PDE4B: variants seen among roughly 807,000 people sequenced by gnomAD.
PDE4B encodes 3',5'-cyclic-AMP phosphodiesterase 4B.
A neutral mutation model predicts 82.2 loss-of-function variants in PDE4B; 20 were observed. The observed-to-expected ratio is 0.24, with a 90% CI of 0.17 to 0.35. The LOEUF is 0.35. PDE4B is among the 10% of genes least tolerant of loss of function. The pLI, the probability that PDE4B is intolerant of heterozygous loss-of-function variation, is 1.00. For missense variants in PDE4B, 655 were observed against 907.2 expected, an observed-to-expected ratio of 0.72 and a Z score of 3.57; for synonymous variants, 320 against 318.9, an observed-to-expected ratio of 1.00 and a Z score of -0.04.
At chr1:66,293,243 G>T (rs543737361) in intron 7 of PDE4B, among the ~76,000 whole-genome samples, 1 of 152,116 alleles carries the variant, frequency 6.6e-6, no homozygotes, top group East Asian at 1.9e-4. Flanking sequence ...GTCTCCTCAC[G>T]TGCAGCAGTC....
rs200209251 is a variant in PDE4B at position 65,918,862 on chromosome 1, A to G, written c.281+27A>G. 1.6e-4 allele frequency: 212 copies of G among 1,351,096 alleles called. 1 individual carries two copies. Among genetic ancestry groups the G allele is most frequent in the Non-Finnish European group, 2.0e-4 (191 of 942,106 alleles). The allele number at this position is 1,351,096 out of a possible 1,614,324, so 83.7% of individuals were successfully genotyped here. A position where few individuals can be genotyped will look rare whatever the true frequency, so the allele number is the denominator to read the frequency against. On this transcript the variant is annotated intron_variant, in intron 3 of 16. Coordinates refer to ENST00000341517, the MANE Select transcript of PDE4B (RefSeq NM_002600.4). ...TGAGTAGCCTCAAAATCAAATGTCA[A>G]TTCTAAATTTTTATTTTCCAATTTC...
At position 66,001,506 on chromosome 1, in the gene PDE4B, G is replaced by A. The variant is rs368693235; in HGVS notation, c.281+82671G>A. The stretch of plus-strand genomic sequence containing the variant: ...GTAATTTATTCCCTTTTATTATTAG[G>A]TGGTATTCCTTTGTATTGGGTGTAC... On this transcript the variant is annotated intron_variant, in intron 3 of 16. Transcript: ENST00000341517. Among the ~76,000 whole-genome samples the A allele has an allele frequency of 4.6e-5, 7 of 152,078 alleles. No individual in the cohort carries two copies. The East Asian group carries it at 1.4e-3, about 29-fold the overall frequency.
chr1:65,822,448 C>T lies in PDE4B; in HGVS notation c.-71+29200C>T, dbSNP rs181535310. On this transcript the variant is annotated intron_variant, in intron 1 of 16. Transcript: ENST00000341517. Reference sequence around the variant, plus strand: ...CCCAAAGTGGTTGTATCAATTTACTCCAACAGTCATGTATGAGAATTTGTG... The same window carrying T: ...CCCAAAGTGGTTGTATCAATTTACTTCAACAGTCATGTATGAGAATTTGTG... Among the ~76,000 whole-genome samples the T allele has an allele frequency of 1.4e-3, 213 of 152,248 alleles. 1 individual carries two copies. Among genetic ancestry groups the T allele is most frequent in the African/African-American group, 5.0e-3 (206 of 41,554 alleles).
At chr1:65,938,251 C>A (rs1428307475) in intron 3 of PDE4B, among the ~76,000 whole-genome samples, 1 of 152,130 alleles carries the variant, frequency 6.6e-6, no homozygotes, top group African/African-American at 2.4e-5. Context: ...TAGTCCCAAC[C>A]CTCTTAACTA....
At chr1:66,254,472 C>T (rs1004547488) in intron 4 of PDE4B, among the ~76,000 whole-genome samples, 1 of 152,172 alleles carries the variant, frequency 6.6e-6, no homozygotes, top group African/African-American at 2.4e-5. Context: ...TGTACCCCCA[C>T]CTCATGGGGC....
At chr1:66,369,206 A>C (rs565390768) in intron 16 of PDE4B, among the ~76,000 whole-genome samples, 2 of 152,316 alleles carry the variant, frequency 1.3e-5, no homozygotes, top group South Asian at 4.1e-4. Flanking sequence ...GTGTCCCTAA[A>C]TCATTTAGAT....
intron 7 of PDE4B, chr1:66,332,242 C>T (rs1282210465): frequency 2.1e-6 from 3 of 1,451,824 alleles, no homozygotes; most frequent in Non-Finnish European, 2.7e-6. Flanking sequence ...CGCCTTCTTC[C>T]TCAGAGGAAG....
chr1:65,969,702 G>A (rs1488198982), intron 3 of PDE4B, among the ~76,000 whole-genome samples: 1 of 151,982 alleles, frequency 6.6e-6, no homozygotes, highest in Non-Finnish European at 1.5e-5. Context: ...TTTTGCCCAT[G>A]GATATTAATG....
At chr1:66,106,154 T>A (rs1645349822) in intron 3 of PDE4B, among the ~76,000 whole-genome samples, 1 of 152,188 alleles carries the variant, frequency 6.6e-6, no homozygotes, top group African/African-American at 2.4e-5. Flanking sequence ...CATGAAGCAT[T>A]GTTGAATTTT....
At chr1:65,832,319 CTGAAATAACTTT>C (rs1316595367) in intron 1 of PDE4B, among the ~76,000 whole-genome samples, 2 of 152,020 alleles carry the variant, frequency 1.3e-5, no homozygotes, top group African/African-American at 4.8e-5. Context: ...TGAATAAGGA[CTGAAATAACTTT>C]TGGCTAAAGA....
intron 7 of PDE4B, among the ~76,000 whole-genome samples, chr1:66,281,341 G>T (rs146635328): frequency 6.6e-6 from 1 of 152,284 alleles, no homozygotes; most frequent in Non-Finnish European, 1.5e-5. Flanking sequence ...TCTGTGCTGC[G>T]AGAGCAGAGG....
At chr1:65,831,627 T>G (rs935985981) in intron 1 of PDE4B, among the ~76,000 whole-genome samples, 49 of 152,110 alleles carry the variant, frequency 3.2e-4, no homozygotes, top group African/African-American at 1.2e-3. Context: ...TCACAATCTC[T>G]TCCAGAAAAT....
intron 3 of PDE4B, among the ~76,000 whole-genome samples, chr1:66,131,086 A>G (rs1275095153): frequency 6.6e-6 from 1 of 152,210 alleles, no homozygotes; most frequent in Non-Finnish European, 1.5e-5. Context: ...GGCCTTTACC[A>G]GGTTTAATTT....
intron 3 of PDE4B, among the ~76,000 whole-genome samples, chr1:65,929,384 T>C (rs1647702368): frequency 1.3e-5 from 2 of 152,322 alleles, no homozygotes; most frequent in South Asian, 4.2e-4. Flanking sequence ...GCTTCATCAG[T>C]GTCTTCCCAC....
intron 1 of PDE4B, among the ~76,000 whole-genome samples, chr1:65,907,118 T>C (rs530520800): frequency 1.3e-5 from 2 of 152,314 alleles, no homozygotes; most frequent in Non-Finnish European, 1.5e-5. Flanking sequence ...TTACTTGCTC[T>C]TTATTTTTTG....
rs78438686 is a variant in PDE4B at position 65,898,294 on chromosome 1, G to C, written c.-70-14951G>C. Among the ~76,000 whole-genome samples the C allele has an allele frequency of 7.2e-4, 110 of 152,146 alleles. 1 individual carries two copies. The East Asian group carries it at 0.021, about 29-fold the overall frequency. On this transcript the variant is annotated intron_variant, in intron 1 of 16. Transcript: ENST00000341517. Reference sequence around the variant, plus strand: ...TTGTGGGGTTTCTGTTTACTCTGTTGATAGGTTTCTTTTCTCTGTGCAGTA... The same window carrying C: ...TTGTGGGGTTTCTGTTTACTCTGTTCATAGGTTTCTTTTCTCTGTGCAGTA...
chr1:65,835,959 G>A (rs1232459211), intron 1 of PDE4B, among the ~76,000 whole-genome samples: 1 of 149,362 alleles, frequency 6.7e-6, no homozygotes, highest in Non-Finnish European at 1.5e-5. Flanking sequence ...ATTTTTTTCC[G>A]AGATGGAGTC....
At position 66,368,057 on chromosome 1, in the gene PDE4B, C is replaced by T. The variant is rs142379593; in HGVS notation, c.1654C>T (p.Arg552Cys). The change falls in exon 15 of 17, where the codon CGC becomes TGC. Residue 552 changes from arginine (R) to cysteine (C), a missense_variant. By Grantham distance (180) the Arg-to-Cys change is radical. Around this residue, in one of 3 missense-constraint regions of PDE4B, gnomAD observed 283 missense variants for 516.4 expected, o/e 0.55. Coordinates refer to ENST00000341517, the MANE Select transcript of PDE4B (RefSeq NM_002600.4). Reference sequence around the variant, plus strand: ...TCTTCTCCTAGACAACTATACCGATCGCATTCAGGTATTTGAGGAAAGTCT... The same window carrying T: ...TCTTCTCCTAGACAACTATACCGATTGCATTCAGGTATTTGAGGAAAGTCT... ...GVLLLDNYTDRIQVLRNMVHC... is the reference protein window; with the variant it reads ...GVLLLDNYTDCIQVLRNMVHC... The T allele has an allele frequency of 3.7e-6, 6 of 1,613,202 alleles. No homozygotes were observed. In the African/African-American group the frequency reaches 4.0e-5, roughly 11 times the overall value.
chr1:66,135,072 A>G (rs1422687330), intron 3 of PDE4B, among the ~76,000 whole-genome samples: 1 of 152,240 alleles, frequency 6.6e-6, no homozygotes, highest in African/African-American at 2.4e-5. Context: ...TGAGAAAGAC[A>G]TGCCAAGGTA....
Sources: allele counts gnomAD v4.1 joint callset (sites outside exome capture counted in the v4.1 genomes callset), GRCh38; gene constraint gnomAD v4.1.1; regional missense constraint gnomAD v4.1.1; transcripts MANE v1.5; gene names NCBI Gene and HGNC (gene_info 2026-07-23, HGNC 2026-07-21).